The following PTH2R variants were observed in gnomAD, a reference collection of about 807,000 sequenced individuals.
PTH2R encodes the protein PTH2 receptor.
A neutral mutation model predicts 60.3 loss-of-function variants in PTH2R; 59 were observed. The observed-to-expected ratio is 0.98, with a 90% CI of 0.79 to 1.22. The LOEUF is 1.22. Ranked by LOEUF, PTH2R falls within the 50% of genes most tolerant of loss-of-function variation. The pLI is 0.00. For missense variants in PTH2R, 749 were observed against 682.6 expected, an observed-to-expected ratio of 1.10 and a Z score of -1.08; for synonymous variants, 256 against 243.8, an observed-to-expected ratio of 1.05 and a Z score of -0.47.
At chr2:208,423,814 T>C (rs1701802761) in intron 1 of PTH2R, among the ~76,000 whole-genome samples, 1 of 152,242 alleles carries the variant, frequency 6.6e-6, no homozygotes, top group African/African-American at 2.4e-5. Flanking sequence ...GTTTTCTTGA[T>C]GGAGTGACCC....
intron 1 of PTH2R, among the ~76,000 whole-genome samples, chr2:208,417,715 A>G (rs1701669922): frequency 6.6e-6 from 1 of 152,014 alleles, no homozygotes; most frequent in Non-Finnish European, 1.5e-5. Flanking sequence ...ATGCCCGGCT[A>G]CAAACGTGGG....
At chr2:208,487,008 G>C (rs1334252107) in intron 10 of PTH2R, among the ~76,000 whole-genome samples, 1 of 152,164 alleles carries the variant, frequency 6.6e-6, no homozygotes, top group Non-Finnish European at 1.5e-5. Flanking sequence ...TGAGAGATAA[G>C]ACAGGCAGAG....
chr2:208,442,839 T>G (rs1449937778), intron 5 of PTH2R, among the ~76,000 whole-genome samples: 1 of 152,214 alleles, frequency 6.6e-6, no homozygotes, highest in Non-Finnish European at 1.5e-5. Context: ...TTATTGCTTT[T>G]GTTATGGTTT....
chr2:208,384,119 A>G (rs925041222), intron 1 of PTH2R, among the ~76,000 whole-genome samples: 1 of 152,238 alleles, frequency 6.6e-6, no homozygotes, highest in Non-Finnish European at 1.5e-5. Context: ...TGACTAAGCA[A>G]TACCATGTGT....
intron 8 of PTH2R, among the ~76,000 whole-genome samples, chr2:208,458,597 C>G (rs1489486223): frequency 6.6e-6 from 1 of 152,086 alleles, no homozygotes; most frequent in Non-Finnish European, 1.5e-5. Flanking sequence ...TCTCCCTCCT[C>G]CTACCTTCCC....
At chr2:208,404,748 G>T (rs746547257), upstream of PTH2R, among the ~76,000 whole-genome samples, 12 of 152,064 alleles carry the variant, frequency 7.9e-5, no homozygotes, top group Non-Finnish European at 1.5e-4. Flanking sequence ...TTTCTCTTCA[G>T]ATGTACCCCG....
intron 1 of PTH2R, among the ~76,000 whole-genome samples, 164 bp downstream of exon 1, chr2:208,407,282 T>A (rs1421797318): frequency 6.6e-6 from 1 of 152,036 alleles, no homozygotes; most frequent in Admixed American, 6.5e-5. Flanking sequence ...GGCAGGCAAT[T>A]AGTGGAGGGA....
At chr2:208,406,045 C>G (rs79923134), upstream of PTH2R, among the ~76,000 whole-genome samples, 1 of 152,154 alleles carries the variant, frequency 6.6e-6, no homozygotes, top group South Asian at 2.1e-4. Flanking sequence ...AGGAGGTTCT[C>G]GCATTTCTCC....
chr2:208,446,193 G>C (rs1471016042), intron 7 of PTH2R, among the ~76,000 whole-genome samples: 2 of 151,702 alleles, frequency 1.3e-5, no homozygotes, highest in East Asian at 3.9e-4. Context: ...TTTATGCCTT[G>C]ATAGCTACCT....
Position 208,380,532 on chromosome 2 carries a change from T to A in PTH2R, c.-259+20295T>A, listed in dbSNP as rs536237666. Among the ~76,000 whole-genome samples the A allele has an allele frequency of 8.9e-4, 136 of 152,234 alleles. 1 individual carries two copies. The highest frequency in any genetic ancestry group is 1.6e-3 in the Non-Finnish European group (108 of 68,010). On this transcript the variant is annotated intron_variant, in intron 1 of 12. Coordinates refer to the PTH2R transcript ENST00000617735. The stretch of plus-strand genomic sequence containing the variant: ...TTGCCTACTTAAATTATCACCCCCC[T>A]TCCTATTTCAACAAAGACTTTCTCT...
In PTH2R at chr2:208,493,722, C is replaced by G. The variant is rs1703467210; in HGVS notation, c.*63C>G. The G allele has an allele frequency of 6.7e-7, 1 of 1,482,664 alleles. No homozygotes were observed. Among genetic ancestry groups the G allele is most frequent in the Non-Finnish European group, 9.0e-7 (1 of 1,109,060 alleles). 91.8% of individuals were successfully genotyped at this position (1,482,664 alleles called of 1,614,324 possible). On this transcript the variant is annotated 3_prime_UTR_variant, in exon 13 of 13. Coordinates refer to ENST00000272847, the MANE Select transcript of PTH2R (RefSeq NM_005048.4). ...TGGCTGGTTGTGTGAGAGGGCTTGG[C>G]TGATACTCCTATGCTTGAGTTCAAA...
At chr2:208,447,172 A>G (rs1193125907) in intron 7 of PTH2R, among the ~76,000 whole-genome samples, 1 of 152,094 alleles carries the variant, frequency 6.6e-6, no homozygotes, top group Non-Finnish European at 1.5e-5. Flanking sequence ...TGGTCTTATT[A>G]TGTTGCCCAG....
At chr2:208,410,022 A>G (rs1162177157) in intron 1 of PTH2R, among the ~76,000 whole-genome samples, 2 of 152,022 alleles carry the variant, frequency 1.3e-5, no homozygotes, top group African/African-American at 4.8e-5. Flanking sequence ...ATTTTTTCCA[A>G]CTCAAAGGAG....
chr2:208,463,721 AAT>A (rs2105890585), intron 9 of PTH2R, among the ~76,000 whole-genome samples: 1 of 152,338 alleles, frequency 6.6e-6, no homozygotes, highest in Admixed American at 6.5e-5. Flanking sequence ...TAACTTAAAA[AAT>A]GTCTCCATAA....
chr2:208,445,922 T>C (rs1315703555), intron 7 of PTH2R, among the ~76,000 whole-genome samples: 5 of 152,160 alleles, frequency 3.3e-5, no homozygotes, highest in Non-Finnish European at 5.9e-5. Context: ...TTCTTATCTT[T>C]GACTAGCAGT....
intron 1 of PTH2R, among the ~76,000 whole-genome samples, chr2:208,426,445 A>C (rs568765487): frequency 3.0e-4 from 45 of 152,336 alleles, no homozygotes; most frequent in African/African-American, 1.0e-3. Flanking sequence ...TCTACAACAA[A>C]GGAATAAAAA....
At chr2:208,368,926 G>A (rs765354906) in intron 1 of PTH2R, among the ~76,000 whole-genome samples, 16 of 152,146 alleles carry the variant, frequency 1.1e-4, no homozygotes, top group Non-Finnish European at 1.9e-4. Context: ...CAAATTCTGT[G>A]ATTTGGCTTC....
At chr2:208,384,639 G>A (rs937323261) in intron 1 of PTH2R, among the ~76,000 whole-genome samples, 8 of 152,086 alleles carry the variant, frequency 5.3e-5, no homozygotes, top group African/African-American at 1.7e-4. Flanking sequence ...TTAGATAGAC[G>A]AACTGTTATT....
intron 8 of PTH2R, 31 bp from the exon 9 acceptor site, chr2:208,459,864 T>A (rs767140547): frequency 3.1e-6 from 5 of 1,607,322 alleles, no homozygotes; most frequent in Non-Finnish European, 4.3e-6. Context: ...TTTGCCAATT[T>A]ATTCATGACA....
Sources: gnomAD v4.1 joint callset for allele counts (sites outside exome capture counted in the v4.1 genomes callset) on GRCh38, gnomAD v4.1.1 for gene constraint, MANE v1.5 for transcripts, NCBI Gene and HGNC (gene_info 2026-07-23, HGNC 2026-07-21) for gene names.